XYLT1: variants seen among roughly 807,000 people sequenced by gnomAD.
XYLT1 encodes beta-D-xylosyltransferase 1.
In XYLT1, 36 loss-of-function variants were observed where a neutral mutation model predicts 91.3. The ratio of observed to expected loss-of-function variants is 0.39; its 90% CI spans 0.30 to 0.52. XYLT1 has a LOEUF of 0.52. XYLT1 is among the 20% of genes least tolerant of loss of function. The pLI is 0.68. For synonymous variants in XYLT1, 588 were observed against 532.0 expected (o/e 1.11, Z -1.45); for missense variants, 1,242 against 1,284.5 (o/e 0.97, Z 0.51).
At chr16:17,419,056 C>T (rs1472168811) in intron 1 of XYLT1, among the ~76,000 whole-genome samples, 1 of 151,858 alleles carries the variant, frequency 6.6e-6, no homozygotes, top group Non-Finnish European at 1.5e-5. Flanking sequence ...CAGCATAATA[C>T]AGTGGTCTTT....
intron 3 of XYLT1, among the ~76,000 whole-genome samples, chr16:17,233,133 C>T (rs964840584): frequency 6.6e-6 from 1 of 152,244 alleles, no homozygotes; most frequent in South Asian, 2.1e-4. Context: ...GGCACCAGAA[C>T]CTTCCAACAA....
At chr16:17,419,592 T>C (rs368440057) in intron 1 of XYLT1, among the ~76,000 whole-genome samples, 38 of 152,348 alleles carry the variant, frequency 2.5e-4, no homozygotes, top group African/African-American at 8.2e-4. Context: ...GTAAACTCAA[T>C]GAAACAGGCA....
Position 17,158,821 on chromosome 16 carries a change from G to A in XYLT1, c.1370+8C>T, listed in dbSNP as rs758161466. The A allele has an allele frequency of 1.2e-5, 20 of 1,613,760 alleles. No homozygotes were observed. Among genetic ancestry groups the A allele is most frequent in the Non-Finnish European group, 5.9e-6 (7 of 1,179,860 alleles). Reference sequence around the variant, plus strand: ...CATTTTGTACAGGGGTAGGGGTTGAGGTGCTACCTTGCATTGTCCCGGCCG... The same window carrying A: ...CATTTTGTACAGGGGTAGGGGTTGAAGTGCTACCTTGCATTGTCCCGGCCG... On this transcript the variant is annotated splice_region_variant and intron_variant, in intron 6 of 11. Transcript: ENST00000261381.
At position 17,400,460 on chromosome 16, in the gene XYLT1, C is replaced by T. The variant is rs141149820; in HGVS notation, c.364-42410G>A. Among the ~76,000 whole-genome samples, 434 of 152,010 alleles carry T rather than the reference C, an allele frequency of 2.9e-3. 4 individuals are homozygous for T. Among genetic ancestry groups the T allele is most frequent in the African/African-American group, 0.01 (420 of 41,472 alleles). The stretch of plus-strand genomic sequence containing the variant: ...CAAAAATTAGCTGGGAGTGGTGGCA[C>T]GCGCCTGTAATCCCAGCTACTTAGG... On this transcript the variant is annotated intron_variant, in intron 1 of 11. Coordinates refer to ENST00000261381, the MANE Select transcript of XYLT1 (RefSeq NM_022166.4).
intron 1 of XYLT1, among the ~76,000 whole-genome samples, chr16:17,420,034 G>A (rs1039805862): frequency 6.6e-6 from 1 of 152,130 alleles, no homozygotes; most frequent in East Asian, 1.9e-4. Context: ...TCAATGACTG[G>A]GTGAAGTTTA....
At chr16:17,228,693 T>C (rs2033110744) in intron 3 of XYLT1, among the ~76,000 whole-genome samples, 1 of 152,132 alleles carries the variant, frequency 6.6e-6, no homozygotes. Context: ...TCTCCATCCA[T>C]TTTGCTCCTC....
rs548405492 is a variant in XYLT1, at chr16:17,383,693, GGT to G, written c.364-25645_364-25644del. On this transcript the variant is annotated intron_variant, in intron 1 of 11. Coordinates refer to ENST00000261381, the MANE Select transcript of XYLT1 (RefSeq NM_022166.4). ...GTCTTGGGCACTGGAAACAGGCCAG[GGT>G]GTGTTTTCCAACTCAGCTACTTTCT... Among the ~76,000 whole-genome samples, 45 of 151,844 alleles carry G rather than the reference GGT, an allele frequency of 3.0e-4. 5 individuals carry two copies. The East Asian group carries it at 7.9e-3, about 27-fold the overall frequency.
At chr16:17,290,494 C>T (rs913873665) in intron 2 of XYLT1, among the ~76,000 whole-genome samples, 1 of 152,354 alleles carries the variant, frequency 6.6e-6, no homozygotes, top group South Asian at 2.1e-4. Context: ...CAGGCAGGGG[C>T]CTTCAACCGC....
intron 1 of XYLT1, among the ~76,000 whole-genome samples, chr16:17,385,261 A>AAC (rs149517758): frequency 0.016 from 1,696 of 108,110 alleles, 24 homozygotes; most frequent in Middle Eastern, 0.024. Flanking sequence ...AACACACATA[A>AAC]ACACACATAC....
intron 2 of XYLT1, among the ~76,000 whole-genome samples, chr16:17,345,811 T>TTTA (rs978913056): frequency 6.6e-6 from 1 of 151,814 alleles, no homozygotes; most frequent in Non-Finnish European, 1.5e-5. Flanking sequence ...ACCGTTTTTA[T>TTTA]TTATTATTAT....
intron 3 of XYLT1, among the ~76,000 whole-genome samples, chr16:17,224,232 C>T (rs772525386): frequency 6.6e-5 from 10 of 152,116 alleles, no homozygotes; most frequent in African/African-American, 1.2e-4. Flanking sequence ...AGCGACAAGA[C>T]GGACAGGAGG....
chr16:17,187,376 A>T (rs2032207043), intron 5 of XYLT1, among the ~76,000 whole-genome samples: 1 of 140,468 alleles, frequency 7.1e-6, no homozygotes, highest in Non-Finnish European at 1.5e-5. Flanking sequence ...CCTGGGTGAC[A>T]GAGCAAGACT....
chr16:17,457,202 CTTTTCT>C (rs1002423253), intron 1 of XYLT1, among the ~76,000 whole-genome samples: 1 of 152,118 alleles, frequency 6.6e-6, no homozygotes, highest in African/African-American at 2.4e-5. Flanking sequence ...TAAAATTTAC[CTTTTCT>C]TTAAGAAAGG....
At chr16:17,340,217 G>C (rs1029362494) in intron 2 of XYLT1, among the ~76,000 whole-genome samples, 5 of 152,188 alleles carry the variant, frequency 3.3e-5, no homozygotes, top group African/African-American at 1.2e-4. Flanking sequence ...CACCTCTGCA[G>C]TTGGTTTCCC....
intron 5 of XYLT1, among the ~76,000 whole-genome samples, chr16:17,185,023 C>T (rs556873113): frequency 6.6e-6 from 1 of 152,224 alleles, no homozygotes; most frequent in East Asian, 1.9e-4. Context: ...CCATAGACCA[C>T]TCTTGGCTTT....
At chr16:17,185,709 A>G (rs763691735) in intron 5 of XYLT1, among the ~76,000 whole-genome samples, 6 of 152,210 alleles carry the variant, frequency 3.9e-5, no homozygotes, top group Non-Finnish European at 8.8e-5. Flanking sequence ...TTAAAAATAT[A>G]TAGATTCTTG....
At chr16:17,342,905 C>T (rs766530371) in intron 2 of XYLT1, among the ~76,000 whole-genome samples, 1 of 152,222 alleles carries the variant, frequency 6.6e-6, no homozygotes, top group South Asian at 2.1e-4. Flanking sequence ...ATATGATATG[C>T]TATTGATAAT....
chr16:17,222,894 C>T (rs189558695), intron 3 of XYLT1, among the ~76,000 whole-genome samples: 1 of 151,898 alleles, frequency 6.6e-6, no homozygotes, highest in Admixed American at 6.6e-5. Flanking sequence ...GTGACGGCCG[C>T]TCTTCGTGAA....
At chr16:17,136,118 C>T (rs2030709578) in intron 8 of XYLT1, among the ~76,000 whole-genome samples, 1 of 152,184 alleles carries the variant, frequency 6.6e-6, no homozygotes, top group Admixed American at 6.5e-5. Context: ...ACACAATACG[C>T]AGGGCAATGG....
Sources: allele counts gnomAD v4.1 joint callset (sites outside exome capture counted in the v4.1 genomes callset), GRCh38; gene constraint gnomAD v4.1.1; transcripts MANE v1.5; gene names NCBI Gene and HGNC (gene_info 2026-07-23, HGNC 2026-07-21).